Variants in DRC1 observed in about 807,000 individuals in gnomAD.
The protein encoded by DRC1 is dynein regulatory complex subunit 1.
A neutral mutation model predicts 98.7 loss-of-function variants in DRC1; 74 were observed. The observed-to-expected ratio is 0.75, with a 90% CI of 0.62 to 0.91. The LOEUF (loss-of-function observed/expected upper bound fraction) is 0.91, where lower values mean the gene tolerates loss of function less well. Ranked by LOEUF, DRC1 falls within the 40% of genes least tolerant of loss-of-function variation. DRC1 has a pLI of 0.00. For missense variants in DRC1, 875 were observed against 886.0 expected, an observed-to-expected ratio of 0.99 and a Z score of 0.16; for synonymous variants, 336 against 334.1, an observed-to-expected ratio of 1.01 and a Z score of -0.06.
chr2:26,408,098 C>G (rs950948636), intron 1 of DRC1, among the ~76,000 whole-genome samples: 1 of 152,126 alleles, frequency 6.6e-6, no homozygotes, highest in Non-Finnish European at 1.5e-5. Context: ...ATAAAGTTCT[C>G]TTTTGATTTT....
intron 2 of DRC1, among the ~76,000 whole-genome samples, chr2:26,415,935 C>T (rs369923737): frequency 3.0e-5 from 3 of 98,364 alleles, no homozygotes; most frequent in African/African-American, 6.9e-5. Flanking sequence ...CTTTCTCTTT[C>T]AAAAAAAAAA....
chr2:26,413,585 AC>A (rs1006214300), intron 1 of DRC1, among the ~76,000 whole-genome samples: 1 of 152,182 alleles, frequency 6.6e-6, no homozygotes, highest in Non-Finnish European at 1.5e-5. Context: ...TGTGAAGCTG[AC>A]CATATTTTCA....
intron 3 of DRC1, among the ~76,000 whole-genome samples, chr2:26,421,917 G>A (rs1663158322): frequency 6.6e-6 from 1 of 152,130 alleles, no homozygotes; most frequent in Non-Finnish European, 1.5e-5. Context: ...TACGTGCCAA[G>A]CTGTGTGTAT....
At chr2:26,450,495 C>A in intron 12 of DRC1, 97 bp from the exon 13 acceptor site, 2 of 1,129,086 alleles carry the variant, frequency 1.8e-6, no homozygotes, top group Non-Finnish European at 2.6e-6. Flanking sequence ...CTCCACAAGC[C>A]AAGCCTCCCG....
chr2:26,455,267 G>A, intron 16 of DRC1, 34 bp downstream of exon 16: 2 of 1,598,882 alleles, frequency 1.3e-6, no homozygotes, highest in East Asian at 2.2e-5. Flanking sequence ...AGGGGCAGCG[G>A]GAGACACGGG....
intron 4 of DRC1, among the ~76,000 whole-genome samples, chr2:26,427,088 C>T (rs551057278): frequency 2.0e-5 from 3 of 152,088 alleles, no homozygotes; most frequent in Non-Finnish European, 4.4e-5. Flanking sequence ...TATAAGAATG[C>T]AACTGATTTA....
intron 13 of DRC1, 110 bp downstream of exon 13, chr2:26,450,791 A>G (rs886430545): frequency 1.2e-6 from 1 of 835,594 alleles, no homozygotes; most frequent in Non-Finnish European, 1.7e-6. Flanking sequence ...CAGGTTTGTT[A>G]CATAGGTATA....
chr2:26,440,273 C>G, intron 7 of DRC1, 105 bp from the exon 8 acceptor site: 1 of 1,288,334 alleles, frequency 7.8e-7, no homozygotes. Flanking sequence ...ATTTTAAATA[C>G]TCTAGTGTAT....
intron 5 of DRC1, 28 bp from the exon 6 acceptor site, chr2:26,430,758 C>A: frequency 6.2e-7 from 1 of 1,611,034 alleles, no homozygotes; most frequent in Non-Finnish European, 8.5e-7. Context: ...AAAACAGATG[C>A]AAGAGTGTTT....
In DRC1 at chr2:26,429,610, T is replaced by C; in HGVS notation, c.541-18T>C. ...CCTGACACAGTTTGTGGCCAGACTT[T>C]TACATGCTCTTTTCTAGGAGTTAAA... On this transcript the variant is annotated intron_variant, in intron 4 of 16. Transcript: ENST00000288710. 6.2e-7 allele frequency: 1 copy of C among 1,612,534 alleles called. No homozygotes were observed. The highest frequency in any genetic ancestry group is 1.1e-5 in the South Asian group (1 of 90,990).
chr2:26,441,592 G>A (rs1663719196), intron 8 of DRC1, among the ~76,000 whole-genome samples: 1 of 152,086 alleles, frequency 6.6e-6, no homozygotes, highest in African/African-American at 2.4e-5. Flanking sequence ...GAGGGGGTGG[G>A]GACATGAATT....
At chr2:26,409,766 C>A (rs1449447133) in intron 1 of DRC1, among the ~76,000 whole-genome samples, 4 of 152,104 alleles carry the variant, frequency 2.6e-5, no homozygotes, top group Non-Finnish European at 5.9e-5. Flanking sequence ...ATTTTTTCCA[C>A]GTAAAACAGT....
chr2:26,445,553 T>C (rs1572381096), intron 10 of DRC1, among the ~76,000 whole-genome samples: 1 of 152,240 alleles, frequency 6.6e-6, no homozygotes, highest in African/African-American at 2.4e-5. Context: ...TTTAGTTTAC[T>C]AAAGTAATTA....
chr2:26,429,864 C>T (rs575452892), intron 5 of DRC1, 99 bp downstream of exon 5: 202 of 1,275,352 alleles, frequency 1.6e-4, no homozygotes, highest in Non-Finnish European at 2.0e-4. Context: ...TACATGACTT[C>T]TCTGTCCGCT....
chr2:26,429,962 G>A (rs1362729878), intron 5 of DRC1, among the ~76,000 whole-genome samples, 197 bp downstream of exon 5: 1 of 151,932 alleles, frequency 6.6e-6, no homozygotes, highest in Non-Finnish European at 1.5e-5. Context: ...CTATATGCTG[G>A]GCACTGTTCC....
At position 26,452,686 on chromosome 2, in the gene DRC1, C is replaced by T. The variant is rs115980004; in HGVS notation, c.1690-634C>T. Among the ~76,000 whole-genome samples, 574 of 152,200 alleles carry T rather than the reference C, an allele frequency of 3.8e-3. 5 individuals carry two copies. The highest frequency in any genetic ancestry group is 0.013 in the African/African-American group (544 of 41,500). Reference sequence around the variant, plus strand: ...TTTAATAATATATGGTATGTCTACACGATGGGGTACTATAAAACTGTGGGA... The same window carrying T: ...TTTAATAATATATGGTATGTCTACATGATGGGGTACTATAAAACTGTGGGA... On this transcript the variant is annotated intron_variant, in intron 13 of 16. Transcript: ENST00000288710.
At chr2:26,412,935 A>C (rs1382827023) in intron 1 of DRC1, among the ~76,000 whole-genome samples, 1 of 151,738 alleles carries the variant, frequency 6.6e-6, no homozygotes, top group Non-Finnish European at 1.5e-5. Flanking sequence ...GGCGCCCACC[A>C]CCACGCCCGG....
chr2:26,441,854 T>C (rs540966518), intron 8 of DRC1, among the ~76,000 whole-genome samples: 2 of 152,306 alleles, frequency 1.3e-5, no homozygotes, highest in South Asian at 4.1e-4. Context: ...CAACGGACCC[T>C]GCTGTTTCTA....
At chr2:26,410,879 G>T (rs1262572931) in intron 1 of DRC1, among the ~76,000 whole-genome samples, 1 of 152,114 alleles carries the variant, frequency 6.6e-6, no homozygotes, top group Non-Finnish European at 1.5e-5. Flanking sequence ...ACAAAAATAT[G>T]GTCACATACA....
Sources: allele counts gnomAD v4.1 joint callset (sites outside exome capture counted in the v4.1 genomes callset), GRCh38; gene constraint gnomAD v4.1.1; transcripts MANE v1.5; gene names NCBI Gene and HGNC (gene_info 2026-07-23, HGNC 2026-07-21).